The following PTPRK variants were observed in gnomAD, a reference collection of about 807,000 sequenced individuals.
The protein encoded by PTPRK is protein tyrosine phosphatase receptor type K.
In PTPRK, 75 loss-of-function variants were observed where a neutral mutation model predicts 178.0. The observed-to-expected ratio is 0.42, with a 90% CI of 0.35 to 0.51. The LOEUF (loss-of-function observed/expected upper bound fraction) is 0.51. Ranked by LOEUF, PTPRK falls within the 20% of genes least tolerant of loss-of-function variation. The pLI is 0.02. For missense variants in PTPRK, 1,441 were observed against 1,797.8 expected (o/e 0.80, Z 3.59); for synonymous variants, 637 against 620.6 (o/e 1.03, Z -0.39).
intron 4 of PTPRK, 71 bp from the exon 5 acceptor site, chr6:128,240,221 G>T: frequency 8.9e-7 from 1 of 1,122,290 alleles, no homozygotes; most frequent in Non-Finnish European, 1.3e-6. Context: ...CTTTTCTCCA[G>T]CTGAATATTA....
chr6:128,123,052 T>C (rs558017628), intron 7 of PTPRK, among the ~76,000 whole-genome samples: 50 of 152,338 alleles, frequency 3.3e-4, no homozygotes, highest in African/African-American at 1.2e-3. Context: ...CTTAAGATCA[T>C]ATTAGATTTG....
intron 27 of PTPRK, among the ~76,000 whole-genome samples, chr6:127,974,342 AC>A (rs1774267900): frequency 6.6e-6 from 1 of 152,012 alleles, no homozygotes; most frequent in African/African-American, 2.4e-5. Context: ...ATCTGGCTCC[AC>A]CCCCTTCTTC....
At chr6:128,477,231 T>C (rs1851478480) in intron 1 of PTPRK, among the ~76,000 whole-genome samples, 1 of 152,066 alleles carries the variant, frequency 6.6e-6, no homozygotes, top group Admixed American at 6.6e-5. Flanking sequence ...GCAGATGTAT[T>C]ATAGCTAGGC....
chr6:128,266,580 C>T (rs1818987303), intron 3 of PTPRK, among the ~76,000 whole-genome samples: 3 of 152,156 alleles, frequency 2.0e-5, no homozygotes, highest in Middle Eastern at 3.4e-3. Flanking sequence ...GAATTTTCAT[C>T]CTTGGACCAC....
At chr6:128,331,550 C>A (rs1005334238) in intron 2 of PTPRK, among the ~76,000 whole-genome samples, 1 of 151,784 alleles carries the variant, frequency 6.6e-6, no homozygotes, top group African/African-American at 2.4e-5. Flanking sequence ...CCCTAAAATA[C>A]TCCATTAATT....
At chr6:128,381,870 G>A (rs962285274) in intron 2 of PTPRK, among the ~76,000 whole-genome samples, 1 of 151,982 alleles carries the variant, frequency 6.6e-6, no homozygotes, top group Non-Finnish European at 1.5e-5. Context: ...ATAATCTATA[G>A]AGTCTCTTTC....
At chr6:128,096,974 T>C (rs1309473586) in intron 7 of PTPRK, among the ~76,000 whole-genome samples, 1 of 152,208 alleles carries the variant, frequency 6.6e-6, no homozygotes, top group African/African-American at 2.4e-5. Flanking sequence ...TGCTTTGTAA[T>C]TTTTATTCTT....
chr6:128,427,516 A>G (rs1473672519), intron 1 of PTPRK, among the ~76,000 whole-genome samples: 3 of 152,238 alleles, frequency 2.0e-5, no homozygotes, highest in African/African-American at 7.2e-5. Context: ...AGAAAGCAAT[A>G]ATGTCTGTGC....
intron 6 of PTPRK, among the ~76,000 whole-genome samples, chr6:128,214,978 C>A (rs953285686): frequency 1.2e-4 from 19 of 152,124 alleles, no homozygotes; most frequent in Non-Finnish European, 2.5e-4. Flanking sequence ...TAGGAACAGA[C>A]TAAAATATTA....
chr6:128,182,004 G>C (rs963224624), intron 7 of PTPRK, among the ~76,000 whole-genome samples: 1 of 152,012 alleles, frequency 6.6e-6, no homozygotes, highest in African/African-American at 2.4e-5. Flanking sequence ...CAGTCTACCT[G>C]AAAATCTAGT....
chr6:128,297,202 C>A (rs1317356927), intron 3 of PTPRK, among the ~76,000 whole-genome samples: 3 of 152,078 alleles, frequency 2.0e-5, no homozygotes, highest in Non-Finnish European at 4.4e-5. Flanking sequence ...GCACCCAACA[C>A]AGGAGCACCC....
rs1828872228 is a variant in PTPRK at position 128,322,080 on chromosome 6, C to A, written c.454G>T (p.Ala152Ser). The A allele has an allele frequency of 3.7e-6, 6 of 1,613,918 alleles. No individual in the cohort carries two copies. The highest frequency in any genetic ancestry group is 5.1e-6 in the Non-Finnish European group (6 of 1,179,916). ...CAAAAGGTGCTCACTGCTAGCTCAG[C>A]CCGAAGCCAATCTCTACCCGTGAAT... Reference protein sequence around the residue: ...TGFTGRDWLRAELAVSTFWPN... With the variant: ...TGFTGRDWLRSELAVSTFWPN... The change falls in exon 3 of 30, where the codon GCT becomes TCT. Residue 152 changes from alanine (A) to serine (S), a missense_variant. By Grantham distance (99) the Ala-to-Ser change is moderately conservative. Transcript: ENST00000368226.
intron 7 of PTPRK, among the ~76,000 whole-genome samples, chr6:128,094,477 C>G (rs1787571146): frequency 6.6e-6 from 1 of 152,038 alleles, no homozygotes; most frequent in Non-Finnish European, 1.5e-5. Flanking sequence ...TACAATATAG[C>G]TAATGTGTTA....
chr6:128,093,585 AGACT>A (rs1787365857), intron 7 of PTPRK, among the ~76,000 whole-genome samples: 1 of 128,994 alleles, frequency 7.8e-6, no homozygotes, highest in Non-Finnish European at 1.6e-5. Context: ...ACAGAGCAAG[AGACT>A]CTCTCTCAAA....
At chr6:128,332,546 G>C (rs556770704) in intron 2 of PTPRK, among the ~76,000 whole-genome samples, 72 of 152,214 alleles carry the variant, frequency 4.7e-4, no homozygotes, top group African/African-American at 1.6e-3. Flanking sequence ...TCCTTTAGAC[G>C]TACTCATTCC....
intron 1 of PTPRK, among the ~76,000 whole-genome samples, chr6:128,429,200 T>C (rs1221493276): frequency 1.3e-5 from 2 of 152,226 alleles, no homozygotes; most frequent in Non-Finnish European, 1.5e-5. Flanking sequence ...CAGGAACACA[T>C]GACCGTAAGG....
chr6:128,150,294 G>A (rs1195263257), intron 7 of PTPRK, among the ~76,000 whole-genome samples: 2 of 151,916 alleles, frequency 1.3e-5, no homozygotes, highest in Non-Finnish European at 2.9e-5. Context: ...TATTCCTTTT[G>A]ACTCACACAA....
chr6:128,082,551 G>A lies in PTPRK; in HGVS notation c.1663C>T (p.His555Tyr). The change falls in exon 10 of 30, where the codon CAC becomes TAC. Residue 555 changes from histidine (H) to tyrosine (Y), a missense_variant. His to Tyr is a moderately conservative substitution (Grantham distance 83). This residue lies in a region of PTPRK where 945 missense variants were observed against 1,080.6 expected (regional missense o/e 0.87). Coordinates refer to ENST00000368226, the MANE Select transcript of PTPRK (RefSeq NM_002844.4). ...QTVSNLWNST[H>Y]HVFMHLHPGT... ...GGGTGGAGATGCATAAAGACATGGT[G>A]TGTACTGTTCCATAAATTTGATACA... The A allele has an allele frequency of 6.2e-7, 1 of 1,612,218 alleles. No homozygotes were observed. The highest frequency in any genetic ancestry group is 8.5e-7 in the Non-Finnish European group (1 of 1,178,398).
At chr6:128,092,439 T>C (rs189342630) in intron 7 of PTPRK, among the ~76,000 whole-genome samples, 135 of 152,292 alleles carry the variant, frequency 8.9e-4, no homozygotes, top group Non-Finnish European at 1.7e-3. Context: ...AGTTACTGTA[T>C]AACTGTATTT....
Sources: allele counts gnomAD v4.1 joint callset (sites outside exome capture counted in the v4.1 genomes callset), GRCh38; gene constraint gnomAD v4.1.1; regional missense constraint gnomAD v4.1.1; transcripts MANE v1.5; gene names NCBI Gene and HGNC (gene_info 2026-07-23, HGNC 2026-07-21).